The following ANKHD1 variants were observed in gnomAD, a reference collection of about 807,000 sequenced individuals.
ANKHD1 encodes the protein ankyrin repeat and KH domain containing 1.
In ANKHD1, 31 loss-of-function variants were observed where a neutral mutation model predicts 230.5. The ratio of observed to expected loss-of-function variants is 0.13; its 90% CI spans 0.10 to 0.18. ANKHD1 has a LOEUF of 0.18. Ranked by LOEUF, ANKHD1 falls within the 10% of genes least tolerant of loss-of-function variation. The pLI is 1.00. For synonymous variants in ANKHD1, 1,074 were observed against 1,117.6 expected (o/e 0.96, Z 0.78); for missense variants, 2,256 against 3,071.3 (o/e 0.73, Z 6.27).
chr5:140,428,278 GGCAGGCT>G (rs1412741169), intron 1 of ANKHD1, among the ~76,000 whole-genome samples: 1 of 152,236 alleles, frequency 6.6e-6, no homozygotes, highest in Non-Finnish European at 1.5e-5. Context: ...GGGAGGCCAA[GGCAGGCT>G]GCTGGGAGGT....
intron 1 of ANKHD1, among the ~76,000 whole-genome samples, chr5:140,416,006 C>T (rs1771351838): frequency 6.6e-6 from 1 of 152,084 alleles, no homozygotes; most frequent in African/African-American, 2.4e-5. Flanking sequence ...TCTCATTGTT[C>T]AATTCCCACC....
chr5:140,415,281 G>C (rs1484273779), intron 1 of ANKHD1, among the ~76,000 whole-genome samples: 1 of 151,656 alleles, frequency 6.6e-6, no homozygotes, highest in East Asian at 2.0e-4. Context: ...TACTCAGGAG[G>C]CTGAGTCAGG....
rs773513657 is a variant in ANKHD1, at chr5:140,505,872, G to A, written c.3408+3G>A. ...CATGTTCTGGTGGACGTCAGGAGGT[G>A]TGTTAATGTTAATTTTCATTTTGTA... On this transcript the variant is annotated splice_donor_region_variant and intron_variant, in intron 18 of 33. Coordinates refer to ENST00000360839, the MANE Select transcript of ANKHD1 (RefSeq NM_017747.3). 6 of 1,565,646 alleles carry A rather than the reference G, an allele frequency of 3.8e-6. No individual in the cohort carries two copies. The highest frequency in any genetic ancestry group is 4.3e-6 in the Non-Finnish European group (5 of 1,163,388).
chr5:140,507,730 C>G lies in ANKHD1; in HGVS notation c.3552-55C>G. 6.3e-7 allele frequency: 1 copy of G among 1,578,132 alleles called. No homozygotes were observed. The highest frequency in any genetic ancestry group is 1.2e-5 in the South Asian group (1 of 86,740). The stretch of plus-strand genomic sequence containing the variant: ...AAACCTTTTCATCTTTAATGCTTTT[C>G]TAAAATAATAGGCAACATATTATTT... On this transcript the variant is annotated intron_variant, in intron 19 of 33. Transcript: ENST00000360839. The surrounding 1 kb of genome is among the most constrained non-coding windows in gnomAD (Gnocchi z 4.1).
intron 1 of ANKHD1, among the ~76,000 whole-genome samples, chr5:140,433,842 C>G (rs557413871): frequency 6.6e-6 from 1 of 151,918 alleles, no homozygotes; most frequent in Admixed American, 6.6e-5. Context: ...ATGTTTTTAC[C>G]TGTCCTTCCA....
At chr5:140,433,150 C>T (rs139637892) in intron 1 of ANKHD1, among the ~76,000 whole-genome samples, 4,042 of 152,076 alleles carry the variant, frequency 0.027, 194 homozygotes, top group African/African-American at 0.093. Flanking sequence ...CTCACTGCAA[C>T]CTCTGCCTCC....
At chr5:140,531,935 G>A (rs1753842581) in intron 29 of ANKHD1, among the ~76,000 whole-genome samples, 1 of 152,072 alleles carries the variant, frequency 6.6e-6, no homozygotes, top group South Asian at 2.1e-4. Flanking sequence ...AGGGCCAGGC[G>A]CGGTGGCTCA....
At chr5:140,518,114 T>G (rs1459890291) in intron 24 of ANKHD1, among the ~76,000 whole-genome samples, 1 of 152,184 alleles carries the variant, frequency 6.6e-6, no homozygotes, top group Non-Finnish European at 1.5e-5. Context: ...ATATCACCAC[T>G]GATCCTACAG....
chr5:140,426,343 G>A lies in ANKHD1; in HGVS notation c.307-9761G>A, dbSNP rs575628355. 7.2e-5 allele frequency among the ~76,000 whole-genome samples: 11 copies of A among 152,178 alleles called. 1 individual carries two copies. In the South Asian group the frequency reaches 2.1e-3, roughly 29 times the overall value. ...AGGATTTTGCCATGTTGCCCAGGCT[G>A]GTCTTGAACTCCTAACCTCAGGTGA... On this transcript the variant is annotated intron_variant, in intron 1 of 33. Transcript: ENST00000360839.
intron 1 of ANKHD1, among the ~76,000 whole-genome samples, chr5:140,415,649 G>A (rs1771310216): frequency 6.6e-6 from 1 of 151,524 alleles, no homozygotes; most frequent in African/African-American, 2.4e-5. Context: ...TGTTGGCCAG[G>A]CTGGTCTTGA....
chr5:140,411,463 TAGTTTATA>T (rs1314530784), intron 1 of ANKHD1, among the ~76,000 whole-genome samples: 4 of 152,058 alleles, frequency 2.6e-5, no homozygotes, highest in Admixed American at 2.6e-4. Flanking sequence ...CAAACTATTA[TAGTTTATA>T]ATCCATAGTT....
At chr5:140,488,838 T>A (rs1355661760) in intron 14 of ANKHD1, among the ~76,000 whole-genome samples, 1 of 151,866 alleles carries the variant, frequency 6.6e-6, no homozygotes, top group Non-Finnish European at 1.5e-5. Context: ...AGGCAGAGGT[T>A]GCAATAAGCC....
Position 140,529,516 on chromosome 5 carries a change from G to A in ANKHD1, c.6570G>A (p.Gln2190=). 1 of 1,614,218 alleles carries A rather than the reference G, an allele frequency of 6.2e-7. No individual in the cohort carries two copies. Among genetic ancestry groups the A allele is most frequent in the Non-Finnish European group, 8.5e-7 (1 of 1,180,034 alleles). Residue 2190 remains glutamine, a synonymous_variant, in exon 29 of 34, where the codon CAG becomes CAA. Coordinates refer to ENST00000360839, the MANE Select transcript of ANKHD1 (RefSeq NM_017747.3). ...SSAVNIMNGS[Q]MHINPANKSL... ...CTGTGAACATTATGAATGGTTCTCA[G>A]ATGCACATAAACCCAGCAAATAAGT...
intron 10 of ANKHD1, among the ~76,000 whole-genome samples, chr5:140,465,842 C>G (rs1186314279): frequency 3.9e-5 from 6 of 152,104 alleles, no homozygotes; most frequent in Non-Finnish European, 7.4e-5. Context: ...ATTGTGACAG[C>G]AATATATGTT....
intron 11 of ANKHD1, 124 bp downstream of exon 11, chr5:140,482,791 TTATTA>T (rs1315433599): frequency 1.0e-6 from 1 of 958,108 alleles, no homozygotes; most frequent in African/African-American, 1.7e-5. Context: ...TTGCCTTTTG[TTATTA>T]TATTTTATTT....
At chr5:140,525,133 G>T (rs540674366) in intron 25 of ANKHD1, among the ~76,000 whole-genome samples, 306 of 150,556 alleles carry the variant, frequency 2.0e-3, no homozygotes, top group African/African-American at 7.0e-3. Flanking sequence ...AAAATAAAAA[G>T]AAAAAAAAGA....
intron 8 of ANKHD1, 139 bp downstream of exon 8, chr5:140,459,001 T>TGA (rs1561755607): frequency 1.0e-4 from 6 of 60,184 alleles, no homozygotes; most frequent in African/African-American, 2.4e-4. Flanking sequence ...TATATGCATA[T>TGA]ATATATATAT....
At chr5:140,415,232 A>C (rs1286756894) in intron 1 of ANKHD1, among the ~76,000 whole-genome samples, 2 of 151,460 alleles carry the variant, frequency 1.3e-5, no homozygotes, top group Non-Finnish European at 2.9e-5. Flanking sequence ...AAAATACAAA[A>C]ATTAGCCGGG....
chr5:140,458,663 T>C lies in ANKHD1; in HGVS notation c.1281T>C (p.Ser427=). 1 of 1,610,006 alleles carries C rather than the reference T, an allele frequency of 6.2e-7. No individual in the cohort carries two copies. The highest frequency in any genetic ancestry group is 8.5e-7 in the Non-Finnish European group (1 of 1,177,598). The change falls in exon 8 of 34, where the codon AGT becomes AGC. Residue 427 remains serine (S), a synonymous_variant. Coordinates refer to ENST00000360839, the MANE Select transcript of ANKHD1 (RefSeq NM_017747.3). ...AGGTGGCACGTTTGCTTTTGGATAG[T>C]GGTGCTCAAGTGAACATGCCTGCAG... ...HVEVARLLLD[S]GAQVNMPADS...
Sources: allele counts gnomAD v4.1 joint callset (sites outside exome capture counted in the v4.1 genomes callset), GRCh38; gene constraint gnomAD v4.1.1; non-coding constraint Gnocchi (gnomAD v3.1); transcripts MANE v1.5; gene names NCBI Gene and HGNC (gene_info 2026-07-23, HGNC 2026-07-21).